Variants in AFF1 observed in about 807,000 individuals in gnomAD.
AFF1 encodes the protein AF4/FMR2 family member 1.
AFF1 carries 48 observed loss-of-function variants against 121.7 expected under a neutral mutation model. That is an observed-to-expected ratio of 0.39 (90% confidence interval 0.31 to 0.50). AFF1 has a LOEUF of 0.50. AFF1 is among the 20% of genes least tolerant of loss of function. AFF1 has a pLI of 0.76. For synonymous variants in AFF1, 613 were observed against 563.0 expected (o/e 1.09, Z -1.26); for missense variants, 1,523 against 1,511.7 (o/e 1.01, Z -0.12).
At chr4:87,068,788 G>A (rs568063283) in intron 4 of AFF1, among the ~76,000 whole-genome samples, 1 of 152,282 alleles carries the variant, frequency 6.6e-6, no homozygotes, top group Non-Finnish European at 1.5e-5. Context: ...GAGATTCAAA[G>A]TTCTTTCCTG....
rs1419829514 is a variant in AFF1, at chr4:87,062,662, C to T, written c.1059+15068C>T. ...TATTTTTATAGCCAGTAATAGGAAGCCTGTTTTAAACATTCATCAGCATAC... is the reference window on the plus strand; with the variant it reads ...TATTTTTATAGCCAGTAATAGGAAGTCTGTTTTAAACATTCATCAGCATAC... On this transcript the variant is annotated intron_variant, in intron 4 of 20. Coordinates refer to ENST00000395146, the MANE Select transcript of AFF1 (RefSeq NM_001166693.3). Among the ~76,000 whole-genome samples, 5 of 152,172 alleles carry T rather than the reference C, an allele frequency of 3.3e-5. No individual in the cohort carries two copies. The East Asian group carries it at 9.6e-4, about 29-fold the overall frequency.
chr4:87,062,129 A>G (rs1398445137), intron 4 of AFF1, among the ~76,000 whole-genome samples: 1 of 152,204 alleles, frequency 6.6e-6, no homozygotes, highest in Non-Finnish European at 1.5e-5. Context: ...GAAAATGGAT[A>G]ATTATCTTAG....
intron 2 of AFF1, among the ~76,000 whole-genome samples, chr4:87,022,579 T>TAC (rs1560547288): frequency 0.012 from 1,113 of 89,078 alleles, 35 homozygotes; most frequent in African/African-American, 0.039. Flanking sequence ...TATATATATA[T>TAC]ATATCTATCT....
rs1412300590 is a variant in AFF1 at position 87,088,528 on chromosome 4, GA to G, written c.1105-1454del. ...GGACTTAGAAAAGAATGAGGCGTTA[GA>G]ATACATCATGTGTTATACAGGTGGA... On this transcript the variant is annotated intron_variant, in intron 5 of 20. Coordinates refer to ENST00000395146, the MANE Select transcript of AFF1 (RefSeq NM_001166693.3). Among the ~76,000 whole-genome samples, 6 of 152,342 alleles carry G rather than the reference GA, an allele frequency of 3.9e-5. No homozygotes were observed. In the East Asian group the frequency reaches 1.2e-3, roughly 29 times the overall value.
chr4:87,073,835 C>T (rs1650800091), intron 4 of AFF1, among the ~76,000 whole-genome samples: 1 of 152,212 alleles, frequency 6.6e-6, no homozygotes, highest in African/African-American at 2.4e-5. Flanking sequence ...ATTGTTTGCA[C>T]TTTCATTTGA....
chr4:87,006,381 T>A (rs1726122801), intron 2 of AFF1, among the ~76,000 whole-genome samples: 2 of 152,202 alleles, frequency 1.3e-5, no homozygotes. Context: ...CGTTTGTGCT[T>A]CGTATAGGAC....
chr4:87,101,706 C>T (rs1274006400), intron 8 of AFF1, among the ~76,000 whole-genome samples: 1 of 152,170 alleles, frequency 6.6e-6, no homozygotes, highest in Non-Finnish European at 1.5e-5. Flanking sequence ...TATAAGTTTA[C>T]ACATTCTCAC....
intron 13 of AFF1, chr4:87,125,356 A>G (rs2095227656): frequency 2.7e-6 from 1 of 369,350 alleles, no homozygotes; most frequent in Non-Finnish European, 4.8e-6. Context: ...GATTTATCAG[A>G]AACATTTTCA....
intron 2 of AFF1, among the ~76,000 whole-genome samples, chr4:87,040,571 T>C (rs1422521451): frequency 1.3e-5 from 2 of 151,656 alleles, no homozygotes. Context: ...ACCCTTTTTT[T>C]TTTTTTTTAA....
intron 2 of AFF1, among the ~76,000 whole-genome samples, chr4:87,002,945 T>C (rs953426958): frequency 2.0e-5 from 3 of 152,220 alleles, no homozygotes; most frequent in Non-Finnish European, 4.4e-5. Flanking sequence ...AGAATGCCTT[T>C]TTGTTCAGTT....
At chr4:87,054,244 C>T (rs917727047) in intron 4 of AFF1, among the ~76,000 whole-genome samples, 48 of 152,330 alleles carry the variant, frequency 3.2e-4, no homozygotes, top group African/African-American at 1.1e-3. Flanking sequence ...ACAACTGTTC[C>T]GGAAAAGCTT....
chr4:87,138,516 TGTGTGTC>T lies in AFF1; in HGVS notation c.*2816_*2822del. ...GTGTGTGTGTGTGTGTGTGTGTGTG[TGTGTGTC>T]TTTAGTAGGAAATGGAAGAACACTG... On this transcript the variant is annotated 3_prime_UTR_variant, in exon 21 of 21. Transcript: ENST00000395146. 5.9e-6 allele frequency: 1 copy of T among 168,988 alleles called. No homozygotes were observed. The highest frequency in any genetic ancestry group is 1.1e-5 in the Non-Finnish European group (1 of 91,872). 10.5% of individuals were successfully genotyped at this position (168,988 alleles called of 1,614,324 possible).
intron 2 of AFF1, among the ~76,000 whole-genome samples, chr4:86,996,542 T>C (rs529184564): frequency 4.6e-4 from 69 of 150,180 alleles, no homozygotes; most frequent in Admixed American, 1.8e-3. Context: ...TCGTTAAGAG[T>C]CATCACCACT....
intron 4 of AFF1, among the ~76,000 whole-genome samples, chr4:87,083,040 G>A (rs1422396298): frequency 6.6e-6 from 1 of 152,166 alleles, no homozygotes; most frequent in African/African-American, 2.4e-5. Context: ...GCTGTACTGT[G>A]CCCATGATGC....
chr4:87,031,435 A>ATTTTTTTT (rs1491098607), intron 2 of AFF1, among the ~76,000 whole-genome samples: 2 of 141,366 alleles, frequency 1.4e-5, no homozygotes, highest in Non-Finnish European at 1.5e-5. Flanking sequence ...CACTCTTAGC[A>ATTTTTTTT]TATGTTTTTT....
intron 2 of AFF1, among the ~76,000 whole-genome samples, chr4:87,016,098 T>C (rs1299183284): frequency 6.7e-6 from 1 of 149,174 alleles, no homozygotes; most frequent in Non-Finnish European, 1.5e-5. Flanking sequence ...GGAGAATTGC[T>C]TGAACTCGGG....
At chr4:87,133,293 CT>C (rs1729007547) in intron 19 of AFF1, among the ~76,000 whole-genome samples, 1 of 152,162 alleles carries the variant, frequency 6.6e-6, no homozygotes, top group African/African-American at 2.4e-5. Context: ...ATTTTCTTCC[CT>C]GTAGTCCTTG....
chr4:86,982,417 T>TAA lies in AFF1; in HGVS notation c.38+33847_38+33848insAA, dbSNP rs1723830918. On this transcript the variant is annotated intron_variant, in intron 2 of 20. Transcript: ENST00000395146. ...TTTTTTTTTTTTTTTTTTTTTTTTT[T>TAA]ACAAAGTGCTGTAGTCTGTTTGTAT... 2.5e-5 allele frequency among the ~76,000 whole-genome samples: 2 copies of TAA among 79,154 alleles called. 1 individual carries two copies. Among genetic ancestry groups the TAA allele is most frequent in the African/African-American group, 9.5e-5 (2 of 21,030 alleles). The allele number at this position is 79,154 out of a possible 152,430, so 51.9% of individuals were successfully genotyped here. A position where few individuals can be genotyped will look rare whatever the true frequency, so the allele number is the denominator to read the frequency against.
chr4:87,114,129 G>T (rs558294378), intron 11 of AFF1, among the ~76,000 whole-genome samples: 2 of 152,236 alleles, frequency 1.3e-5, no homozygotes, highest in East Asian at 1.9e-4. Flanking sequence ...GTTGGCAATT[G>T]CCTGTTGATT....
Sources: gnomAD v4.1 joint callset for allele counts (sites outside exome capture counted in the v4.1 genomes callset) on GRCh38, gnomAD v4.1.1 for gene constraint, MANE v1.5 for transcripts, NCBI Gene and HGNC (gene_info 2026-07-23, HGNC 2026-07-21) for gene names.